Variants in NTN4 observed in about 807,000 individuals in gnomAD.
NTN4 encodes netrin-4.
In NTN4, 32 loss-of-function variants were observed where a neutral mutation model predicts 73.6. The ratio of observed to expected loss-of-function variants is 0.44; its 90% CI spans 0.33 to 0.58. The LOEUF (loss-of-function observed/expected upper bound fraction) is 0.58. NTN4 is among the 20% of genes least tolerant of loss of function. NTN4 has a pLI of 0.04. For missense variants in NTN4, 654 were observed against 798.3 expected, an observed-to-expected ratio of 0.82 and a Z score of 2.18; for synonymous variants, 258 against 287.5, an observed-to-expected ratio of 0.90 and a Z score of 1.04.
At chr12:95,680,465 G>A (rs2078306743) in intron 7 of NTN4, among the ~76,000 whole-genome samples, 1 of 152,236 alleles carries the variant, frequency 6.6e-6, no homozygotes, top group South Asian at 2.1e-4. Context: ...GGCCGACTTG[G>A]CCTGAGGGCT....
intron 2 of NTN4, among the ~76,000 whole-genome samples, chr12:95,784,099 A>C (rs2079150558): frequency 6.6e-6 from 1 of 152,244 alleles, no homozygotes. Flanking sequence ...TATTGCAAAT[A>C]AGCCATAAAT....
At chr12:95,766,964 T>C (rs2079025109) in intron 2 of NTN4, among the ~76,000 whole-genome samples, 1 of 152,246 alleles carries the variant, frequency 6.6e-6, no homozygotes, top group Non-Finnish European at 1.5e-5. Context: ...TTTATCACTG[T>C]TAAGTTTAAT....
chr12:95,712,797 T>TC (rs2078574612), intron 4 of NTN4, among the ~76,000 whole-genome samples: 2 of 145,754 alleles, frequency 1.4e-5, no homozygotes, highest in Admixed American at 6.8e-5. Context: ...CTTTTTTTTT[T>TC]TTTTTTTTTT....
At chr12:95,677,419 T>C (rs920522399) in intron 7 of NTN4, among the ~76,000 whole-genome samples, 9 of 152,006 alleles carry the variant, frequency 5.9e-5, no homozygotes, top group Admixed American at 5.9e-4. Context: ...TATTTTTATA[T>C]AAATAATTGC....
intron 5 of NTN4, among the ~76,000 whole-genome samples, chr12:95,689,739 G>C (rs915285961): frequency 3.3e-5 from 5 of 152,202 alleles, no homozygotes; most frequent in Non-Finnish European, 5.9e-5. Flanking sequence ...CAAGGGACAG[G>C]TCCACCTTAT....
At chr12:95,726,121 C>T (rs996695359) in intron 3 of NTN4, among the ~76,000 whole-genome samples, 3 of 151,738 alleles carry the variant, frequency 2.0e-5, no homozygotes, top group Non-Finnish European at 4.4e-5. Context: ...ATAACATTCA[C>T]GTAACATAAA....
chr12:95,690,794 G>A (rs964103416), intron 5 of NTN4, among the ~76,000 whole-genome samples: 1 of 152,054 alleles, frequency 6.6e-6, no homozygotes, highest in Non-Finnish European at 1.5e-5. Context: ...AGATAGGAGA[G>A]ATTTAGCCAG....
At chr12:95,753,224 C>T (rs1260593683) in intron 2 of NTN4, among the ~76,000 whole-genome samples, 1 of 151,962 alleles carries the variant, frequency 6.6e-6, no homozygotes, top group Non-Finnish European at 1.5e-5. Context: ...GCCCGCCTCT[C>T]AGAACCTCTC....
intron 8 of NTN4, among the ~76,000 whole-genome samples, chr12:95,668,433 C>T (rs2078199806): frequency 1.3e-5 from 2 of 151,010 alleles, no homozygotes; most frequent in Middle Eastern, 3.4e-3. Flanking sequence ...ATGCCATTCC[C>T]TCTAAACTGC....
chr12:95,754,129 C>T (rs1205097449), intron 2 of NTN4, among the ~76,000 whole-genome samples: 5 of 152,172 alleles, frequency 3.3e-5, no homozygotes, highest in Non-Finnish European at 5.9e-5. Flanking sequence ...CTAGGTCCTC[C>T]CAATTCTTAG....
chr12:95,758,163 A>G (rs566652868), intron 2 of NTN4, among the ~76,000 whole-genome samples: 32 of 152,338 alleles, frequency 2.1e-4, no homozygotes, highest in Non-Finnish European at 4.1e-4. Flanking sequence ...AGTGTTTGCT[A>G]AAGTTGTTGT....
chr12:95,763,927 T>C (rs2079004590), intron 2 of NTN4, among the ~76,000 whole-genome samples: 1 of 152,176 alleles, frequency 6.6e-6, no homozygotes, highest in Non-Finnish European at 1.5e-5. Flanking sequence ...CTAATCATGG[T>C]AAAACTGGAA....
At chr12:95,668,924 G>A (rs965145109) in intron 8 of NTN4, among the ~76,000 whole-genome samples, 1 of 152,220 alleles carries the variant, frequency 6.6e-6, no homozygotes, top group Non-Finnish European at 1.5e-5. Context: ...AGGAGTTCGA[G>A]ACCAGCCTGA....
At chr12:95,682,090 T>A (rs2078321591) in intron 7 of NTN4, among the ~76,000 whole-genome samples, 1 of 114,118 alleles carries the variant, frequency 8.8e-6, no homozygotes, top group Non-Finnish European at 1.7e-5. Context: ...TGAGACAAGG[T>A]CTTGCTCTGT....
At chr12:95,686,344 G>T (rs1300533504) in intron 5 of NTN4, among the ~76,000 whole-genome samples, 1 of 152,214 alleles carries the variant, frequency 6.6e-6, no homozygotes, top group Non-Finnish European at 1.5e-5. Flanking sequence ...AGCACTGTGG[G>T]AACACAGAGG....
intron 7 of NTN4, among the ~76,000 whole-genome samples, chr12:95,675,017 TA>T (rs1329245240): frequency 3.9e-5 from 6 of 152,228 alleles, no homozygotes; most frequent in Admixed American, 3.3e-4. Flanking sequence ...TGGAGAATTA[TA>T]AAAAGTCATT....
Position 95,713,262 on chromosome 12 carries a change from C to T in NTN4, c.941G>A (p.Arg314Gln), listed in dbSNP as rs774151408. 23 of 1,613,388 alleles carry T rather than the reference C, an allele frequency of 1.4e-5. No homozygotes were observed. Among genetic ancestry groups the T allele is most frequent in the East Asian group, 4.5e-5 (2 of 44,874 alleles). Residue 314 changes from arginine to glutamine, a missense_variant, in exon 4 of 10, where the codon CGG becomes CAG. Coordinates refer to ENST00000343702, the MANE Select transcript of NTN4 (RefSeq NM_021229.4). ...TTTGCCATCAGCTGCCTCCCATGGC[C>T]GGTCATTGTATAACGGGGCACAGTG... Reference protein sequence around the residue: ...CQHCAPLYNDRPWEAADGKTG... With the variant: ...CQHCAPLYNDQPWEAADGKTG...
chr12:95,697,317 CTT>C (rs1269320873), intron 5 of NTN4, among the ~76,000 whole-genome samples: 1 of 152,150 alleles, frequency 6.6e-6, no homozygotes, highest in Non-Finnish European at 1.5e-5. Context: ...AATTAGAACT[CTT>C]TGTTCAAGGA....
At chr12:95,683,434 C>G in intron 6 of NTN4, 64 bp downstream of exon 6, 2 of 1,463,254 alleles carry the variant, frequency 1.4e-6, no homozygotes, top group Non-Finnish European at 1.9e-6. Context: ...TTTTCCAAAT[C>G]ACTATAGGTT....
Sources: gnomAD v4.1 joint callset for allele counts (sites outside exome capture counted in the v4.1 genomes callset) on GRCh38, gnomAD v4.1.1 for gene constraint, MANE v1.5 for transcripts, NCBI Gene and HGNC (gene_info 2026-07-23, HGNC 2026-07-21) for gene names.